SLC25A26: variants seen among roughly 807,000 people sequenced by gnomAD.
SLC25A26 encodes mitochondrial S-adenosylmethionine carrier protein.
In SLC25A26, 36 loss-of-function variants were observed where a neutral mutation model predicts 37.8. That is an observed-to-expected ratio of 0.95 (90% CI 0.73 to 1.26). The LOEUF (loss-of-function observed/expected upper bound fraction) is 1.26. Ranked by LOEUF, SLC25A26 falls within the 50% of genes most tolerant of loss-of-function variation. SLC25A26 has a pLI of 0.00. For missense variants in SLC25A26, 390 were observed against 331.1 expected, an observed-to-expected ratio of 1.18 and a Z score of -1.38; for synonymous variants, 129 against 122.5, an observed-to-expected ratio of 1.05 and a Z score of -0.35.
chr3:66,261,643 C>T lies in SLC25A26; in HGVS notation c.301-408C>T, dbSNP rs571182251. On this transcript the variant is annotated intron_variant, in intron 3 of 9. Coordinates refer to ENST00000354883, the MANE Select transcript of SLC25A26 (RefSeq NM_001379210.1). The stretch of plus-strand genomic sequence containing the variant: ...GTACCAGCTGATGGTCAGCTTGCCT[C>T]TACGGATGTATGCATTACTTCCAGT... 20 of 169,152 alleles carry T rather than the reference C, an allele frequency of 1.2e-4. No individual in the cohort carries two copies. The South Asian group carries it at 2.9e-3, about 25-fold the overall frequency. 10.5% of individuals were successfully genotyped at this position (169,152 alleles called of 1,614,324 possible). A position where few individuals can be genotyped will look rare whatever the true frequency, so the allele number is the denominator to read the frequency against.
intron 5 of SLC25A26, among the ~76,000 whole-genome samples, chr3:66,305,561 T>C (rs544142465): frequency 6.6e-6 from 1 of 152,272 alleles, no homozygotes; most frequent in East Asian, 1.9e-4. Flanking sequence ...ACCCATCACC[T>C]TGGTATTAAG....
intron 1 of SLC25A26, among the ~76,000 whole-genome samples, chr3:66,222,811 C>T (rs1447728483): frequency 1.3e-5 from 2 of 152,112 alleles, no homozygotes; most frequent in Non-Finnish European, 1.5e-5. Flanking sequence ...GTTGCAATTG[C>T]TAAAACACAG....
At chr3:66,210,581 C>A (rs1375022033) in intron 1 of SLC25A26, among the ~76,000 whole-genome samples, 1 of 151,888 alleles carries the variant, frequency 6.6e-6, no homozygotes, top group Non-Finnish European at 1.5e-5. Context: ...GTGGTGTGAT[C>A]TTTGCTCACT....
intron 5 of SLC25A26, among the ~76,000 whole-genome samples, chr3:66,319,682 A>G (rs187165642): frequency 1.3e-5 from 2 of 151,872 alleles, no homozygotes; most frequent in Non-Finnish European, 2.9e-5. Flanking sequence ...AAAAAATGAT[A>G]CATCTTCATA....
intron 5 of SLC25A26, among the ~76,000 whole-genome samples, chr3:66,287,997 A>G (rs1017921618): frequency 6.6e-6 from 1 of 152,256 alleles, no homozygotes; most frequent in African/African-American, 2.4e-5. Flanking sequence ...TTAGTTCACC[A>G]GAAAACATTT....
At chr3:66,293,251 A>C (rs889634864) in intron 5 of SLC25A26, 1 of 152,172 alleles carries the variant, frequency 6.6e-6, no homozygotes, top group African/African-American at 2.4e-5. Flanking sequence ...AGTGTGCTTA[A>C]CTGCCTTTAA....
intron 5 of SLC25A26, among the ~76,000 whole-genome samples, chr3:66,264,778 C>G (rs950469678): frequency 3.3e-5 from 5 of 152,144 alleles, no homozygotes; most frequent in Admixed American, 2.0e-4. Context: ...AAGTCTGTAT[C>G]AGGCAGTGAG....
chr3:66,363,917 G>A (rs982422647), intron 7 of SLC25A26, among the ~76,000 whole-genome samples: 1 of 152,098 alleles, frequency 6.6e-6, no homozygotes. Flanking sequence ...GATGATGATC[G>A]TTTCCACATG....
At chr3:66,368,352 T>C (rs1419320099) in intron 7 of SLC25A26, among the ~76,000 whole-genome samples, 1 of 152,198 alleles carries the variant, frequency 6.6e-6, no homozygotes, top group Non-Finnish European at 1.5e-5. Context: ...GCATTTTAAA[T>C]GTAATATTGA....
At chr3:66,368,638 C>T (rs916202294) in intron 7 of SLC25A26, among the ~76,000 whole-genome samples, 1 of 152,180 alleles carries the variant, frequency 6.6e-6, no homozygotes, top group Non-Finnish European at 1.5e-5. Context: ...TACCCAAAAT[C>T]CCCACAATGT....
chr3:66,364,814 G>A (rs9880552), intron 7 of SLC25A26, among the ~76,000 whole-genome samples: 30,408 of 152,042 alleles, frequency 0.2, 4,152 homozygotes, highest in East Asian at 0.69. Flanking sequence ...CTAATAGCTC[G>A]TAAATTTTAA....
At chr3:66,367,607 G>T (rs530090393) in intron 7 of SLC25A26, among the ~76,000 whole-genome samples, 1 of 151,966 alleles carries the variant, frequency 6.6e-6, no homozygotes. Flanking sequence ...GGGAAGTTTG[G>T]GATAGTAAAG....
At chr3:66,367,098 G>A (rs2076840388) in intron 7 of SLC25A26, among the ~76,000 whole-genome samples, 1 of 152,202 alleles carries the variant, frequency 6.6e-6, no homozygotes, top group Non-Finnish European at 1.5e-5. Context: ...TCGAGTGCCT[G>A]CTGTGAGTGT....
At chr3:66,209,787 A>T (rs2106832969) in intron 1 of SLC25A26, among the ~76,000 whole-genome samples, 2 of 136,578 alleles carry the variant, frequency 1.5e-5, no homozygotes, top group South Asian at 4.7e-4. Context: ...AGGTATATAT[A>T]TATATACACA....
chr3:66,239,929 G>A (rs954667688), intron 2 of SLC25A26, among the ~76,000 whole-genome samples: 3 of 145,720 alleles, frequency 2.1e-5, no homozygotes, highest in Non-Finnish European at 4.5e-5. Context: ...CAAGCAATTT[G>A]ACTCTCTCTT....
chr3:66,371,505 G>C (rs1700342553), intron 9 of SLC25A26: 4 of 1,361,740 alleles, frequency 2.9e-6, no homozygotes, highest in Non-Finnish European at 3.8e-6. Flanking sequence ...AGGTGATATT[G>C]GATGGTTTTG....
intron 5 of SLC25A26, among the ~76,000 whole-genome samples, chr3:66,276,019 T>G (rs987655081): frequency 3.3e-5 from 5 of 152,086 alleles, no homozygotes; most frequent in Non-Finnish European, 7.4e-5. Context: ...AATTTGAAGG[T>G]CAAATGTAGT....
chr3:66,174,647 A>G lies in SLC25A26; in HGVS notation c.-354+40663A>G, dbSNP rs1456741260. Among the ~76,000 whole-genome samples the G allele has an allele frequency of 8.6e-5, 13 of 151,998 alleles. No individual in the cohort carries two copies. The South Asian group carries it at 1.0e-3, about 12-fold the overall frequency. On this transcript the variant is annotated intron_variant, in intron 1 of 10. Transcript: ENST00000676754. ...AAAACACAGAAAAAATTAGCTGGGC[A>G]TGGTGGCGGGCGCCTGTAGTCCCAC...
chr3:66,166,047 A>C (rs918810870), intron 1 of SLC25A26, among the ~76,000 whole-genome samples: 6 of 151,938 alleles, frequency 3.9e-5, no homozygotes, highest in Non-Finnish European at 4.4e-5. Flanking sequence ...TATTGTATTT[A>C]AAACTCAGCT....
Sources: allele counts gnomAD v4.1 joint callset (sites outside exome capture counted in the v4.1 genomes callset), GRCh38; gene constraint gnomAD v4.1.1; transcripts MANE v1.5; gene names NCBI Gene and HGNC (gene_info 2026-07-23, HGNC 2026-07-21).